BACE2: variants seen among roughly 807,000 people sequenced by gnomAD.
BACE2 encodes 56 kDa aspartic-like protease.
A neutral mutation model predicts 46.2 loss-of-function variants in BACE2; 17 were observed. That is an observed-to-expected ratio of 0.37 (90% CI 0.25 to 0.55). The LOEUF (loss-of-function observed/expected upper bound fraction) is 0.55, where lower values mean the gene tolerates loss of function less well. Among genes scored for constraint, BACE2 ranks in the 20% least tolerant of loss-of-function variants. BACE2 has a pLI of 0.82. For missense variants in BACE2, 595 were observed against 698.1 expected (o/e 0.85, Z 1.66); for synonymous variants, 277 against 295.9 (o/e 0.94, Z 0.66).
Position 41,236,410 on chromosome 21 carries a change from T to C in BACE2, c.402-1103T>C, listed in dbSNP as rs537188155. ...CGTCCCGTAACCACCATTCCCGCAT[T>C]CATTATCTCTCCTCACTGCAGCATA... On this transcript the variant is annotated intron_variant, in intron 2 of 8. Coordinates refer to ENST00000330333, the MANE Select transcript of BACE2 (RefSeq NM_012105.5). 2.0e-4 allele frequency among the ~76,000 whole-genome samples: 31 copies of C among 152,298 alleles called. 1 individual carries two copies. The highest frequency in any genetic ancestry group is 2.0e-3 in the Admixed American group (30 of 15,306).
intron 1 of BACE2, among the ~76,000 whole-genome samples, chr21:41,207,532 T>C (rs540154637): frequency 7.2e-5 from 11 of 152,252 alleles, no homozygotes; most frequent in African/African-American, 2.2e-4. Flanking sequence ...CTCAGAGGCT[T>C]CCAGGGAAAC....
intron 8 of BACE2, among the ~76,000 whole-genome samples, chr21:41,265,057 T>A (rs1185612129): frequency 6.6e-6 from 1 of 152,210 alleles, no homozygotes; most frequent in Non-Finnish European, 1.5e-5. Context: ...TTGGATTTTC[T>A]TTATCTTCTT....
In BACE2 at chr21:41,262,526, T is replaced by A. The variant is rs116371894; in HGVS notation, c.1303+5200T>A. 8.2e-3 allele frequency among the ~76,000 whole-genome samples: 1,244 copies of A among 152,284 alleles called. 28 individuals are homozygous for A. Among genetic ancestry groups the A allele is most frequent in the African/African-American group, 0.028 (1,147 of 41,582 alleles). The stretch of plus-strand genomic sequence containing the variant: ...AGTTCTCTTGGCTACTTTTGCCCTT[T>A]TATTCAACTTGTCGAGATCCCTGAA... On this transcript the variant is annotated intron_variant, in intron 8 of 8. Transcript: ENST00000330333.
chr21:41,260,827 T>C (rs964903617), intron 8 of BACE2, among the ~76,000 whole-genome samples: 1 of 152,228 alleles, frequency 6.6e-6, no homozygotes, highest in Admixed American at 6.5e-5. Context: ...CGCAGTCATC[T>C]TGGAAACATC....
intron 7 of BACE2, among the ~76,000 whole-genome samples, chr21:41,252,307 T>A (rs1304301936): frequency 6.6e-6 from 1 of 152,068 alleles, no homozygotes; most frequent in Non-Finnish European, 1.5e-5. Flanking sequence ...TGCAACTGTC[T>A]CCTAACCTTT....
At chr21:41,183,748 A>G (rs1039494658) in intron 1 of BACE2, 7 of 167,118 alleles carry the variant, frequency 4.2e-5, no homozygotes, top group Non-Finnish European at 8.8e-5. Context: ...TAAGCAGCTC[A>G]CTGGGGCTAG....
intron 8 of BACE2, among the ~76,000 whole-genome samples, chr21:41,268,607 T>C (rs2088402828): frequency 6.6e-6 from 1 of 152,134 alleles, no homozygotes; most frequent in African/African-American, 2.4e-5. Flanking sequence ...CATGACTCTT[T>C]TAATTATAAA....
At position 41,237,423 on chromosome 21, in the gene BACE2, G is replaced by T. The variant is rs1036028746; in HGVS notation, c.402-90G>T. On this transcript the variant is annotated intron_variant, in intron 2 of 8. Transcript: ENST00000330333. The stretch of plus-strand genomic sequence containing the variant: ...ATCCCGCCACTGCACTCCAGCCTGG[G>T]TGACAGAGCAAGACTCCGTCTCAAA... The T allele has an allele frequency of 6.1e-6, 6 of 987,562 alleles. No individual in the cohort carries two copies. In the Admixed American group the frequency reaches 1.4e-4, roughly 23 times the overall value. 61.2% of individuals were successfully genotyped at this position (987,562 alleles called of 1,614,324 possible).
At chr21:41,169,902 C>T (rs1568852260) in intron 1 of BACE2, among the ~76,000 whole-genome samples, 1 of 152,168 alleles carries the variant, frequency 6.6e-6, no homozygotes, top group African/African-American at 2.4e-5. Flanking sequence ...GCTGAGGGAG[C>T]TTAACTTGGC....
chr21:41,181,487 C>T (rs1985122099), intron 1 of BACE2: 1 of 167,096 alleles, frequency 6.0e-6, no homozygotes, highest in African/African-American at 2.4e-5. Context: ...ATGGTCTTTT[C>T]ACTCACAAAT....
At chr21:41,222,658 C>T (rs1299408692) in intron 1 of BACE2, among the ~76,000 whole-genome samples, 1 of 152,218 alleles carries the variant, frequency 6.6e-6, no homozygotes, top group Non-Finnish European at 1.5e-5. Context: ...TCTGACTTAA[C>T]TGTAATAGGA....
At chr21:41,203,457 G>A (rs1986025532) in intron 1 of BACE2, among the ~76,000 whole-genome samples, 1 of 152,158 alleles carries the variant, frequency 6.6e-6, no homozygotes, top group South Asian at 2.1e-4. Flanking sequence ...AGCCTGGTAG[G>A]TGAGCTGTGG....
At chr21:41,252,902 T>C (rs959705384) in intron 7 of BACE2, among the ~76,000 whole-genome samples, 1 of 148,868 alleles carries the variant, frequency 6.7e-6, no homozygotes, top group Non-Finnish European at 1.5e-5. Flanking sequence ...CCAGGAGAAA[T>C]TCAGGCCGAC....
At chr21:41,220,700 A>C (rs990031734) in intron 1 of BACE2, among the ~76,000 whole-genome samples, 2 of 150,446 alleles carry the variant, frequency 1.3e-5, no homozygotes, top group African/African-American at 4.9e-5. Flanking sequence ...ATTATTATAT[A>C]TAATACATTA....
chr21:41,260,985 C>T, intron 8 of BACE2, among the ~76,000 whole-genome samples: 1 of 152,054 alleles, frequency 6.6e-6, no homozygotes, highest in East Asian at 1.9e-4. Context: ...TATAGATTTT[C>T]CATATTGATA....
chr21:41,243,302 CA>C, intron 4 of BACE2, 73 bp from the exon 5 acceptor site: 2 of 1,264,246 alleles, frequency 1.6e-6, no homozygotes, highest in Non-Finnish European at 2.1e-6. Flanking sequence ...TTTACAAGTG[CA>C]TGCTTCTCTG....
chr21:41,231,203 T>G (rs1298263882), intron 2 of BACE2, among the ~76,000 whole-genome samples: 2 of 152,224 alleles, frequency 1.3e-5, no homozygotes, highest in East Asian at 3.8e-4. Context: ...GAAGGGGACT[T>G]GCTGTTTTGG....
intron 1 of BACE2, among the ~76,000 whole-genome samples, chr21:41,207,046 C>T (rs550319314): frequency 6.6e-6 from 1 of 152,288 alleles, no homozygotes; most frequent in South Asian, 2.1e-4. Flanking sequence ...CTGTCATCAA[C>T]TCTTGAGCAA....
Position 41,168,167 on chromosome 21 carries a change from C to A in BACE2, c.-97C>A. 1.5e-6 allele frequency: 1 copy of A among 684,596 alleles called. No individual in the cohort carries two copies. The highest frequency in any genetic ancestry group is 6.5e-5 in the South Asian group (1 of 15,436). The allele number at this position is 684,596 out of a possible 1,614,324, so 42.4% of individuals were successfully genotyped here. ...CGGTCCCGGTGCGCGCCCATCCCTG[C>A]CCGCAGCCCCGCGCGCCGGCCGAGT... On this transcript the variant is annotated 5_prime_UTR_variant, in exon 1 of 9. Coordinates refer to ENST00000330333, the MANE Select transcript of BACE2 (RefSeq NM_012105.5).
Sources: gnomAD v4.1 joint callset for allele counts (sites outside exome capture counted in the v4.1 genomes callset) on GRCh38, gnomAD v4.1.1 for gene constraint, MANE v1.5 for transcripts, NCBI Gene and HGNC (gene_info 2026-07-23, HGNC 2026-07-21) for gene names.